The following DARS2 variants were observed in gnomAD, a reference collection of about 807,000 sequenced individuals.
DARS2 encodes the protein aspartyl-tRNA synthetase 2, mitochondrial, also known as aspartate--tRNA ligase, mitochondrial.
In DARS2, 63 loss-of-function variants were observed where a neutral mutation model predicts 83.0. The observed-to-expected ratio is 0.76, with a 90% CI of 0.62 to 0.94. The LOEUF (loss-of-function observed/expected upper bound fraction) is 0.94, where lower values mean the gene tolerates loss of function less well. Ranked by LOEUF, DARS2 falls within the 40% of genes least tolerant of loss-of-function variation. The pLI is 0.00. For missense variants in DARS2, 675 were observed against 774.4 expected, an observed-to-expected ratio of 0.87 and a Z score of 1.52; for synonymous variants, 250 against 269.3, an observed-to-expected ratio of 0.93 and a Z score of 0.70.
intron 9 of DARS2, among the ~76,000 whole-genome samples, chr1:173,839,027 G>C (rs1258573063): frequency 6.6e-6 from 1 of 152,132 alleles, no homozygotes; most frequent in African/African-American, 2.4e-5. Flanking sequence ...GAGCCACCAC[G>C]CCTGGCCAAT....
At position 173,833,384 on chromosome 1, in the gene DARS2, G is replaced by A. The variant is rs772824234; in HGVS notation, c.501G>A (p.Glu167=). ...FEIKNFVKKT[E]ALRLQYRYLD... is the part of the protein sequence containing the mutation. ...TCTTTCAATTTCTTTAGAAAACAGA[G>A]GCTCTTCGGTTGCAGTATCGCTACT... Residue 167 remains glutamate (E), a synonymous_variant, in exon 6 of 17, where the codon GAG becomes GAA. Transcript: ENST00000649689. The A allele has an allele frequency of 2.5e-6, 4 of 1,603,030 alleles. No individual in the cohort carries two copies. Among genetic ancestry groups the A allele is most frequent in the Non-Finnish European group, 3.4e-6 (4 of 1,174,660 alleles).
intron 1 of DARS2, among the ~76,000 whole-genome samples, chr1:173,826,426 A>T (rs893809363): frequency 3.3e-5 from 5 of 152,182 alleles, no homozygotes; most frequent in African/African-American, 1.2e-4. Context: ...TGCAAATGCT[A>T]GAAGATCAAA....
chr1:173,833,791 G>A (rs573878766), intron 6 of DARS2, among the ~76,000 whole-genome samples: 11 of 149,924 alleles, frequency 7.3e-5, no homozygotes, highest in South Asian at 2.1e-4. Context: ...TTTTTGAGAC[G>A]GAGTTTTGCT....
intron 15 of DARS2, 98 bp downstream of exon 15, chr1:173,854,003 A>G (rs1653774265): frequency 1.9e-6 from 2 of 1,075,102 alleles, no homozygotes; most frequent in South Asian, 2.6e-5. Flanking sequence ...TTTGTTTTTG[A>G]GACATTCTGT....
At position 173,824,871 on chromosome 1, in the gene DARS2, A is replaced by T; in HGVS notation, c.-359A>T. On this transcript the variant is annotated 5_prime_UTR_variant, in exon 1 of 17. Transcript: ENST00000649689. ...AAGCGTGGAAAGAGGAGAAGGGCGT[A>T]TACCTTGTGACCGCCTCTGGTTGTC... The T allele has an allele frequency of 2.9e-6, 1 of 339,048 alleles. No individual in the cohort carries two copies. Among genetic ancestry groups the T allele is most frequent in the Non-Finnish European group, 5.8e-6 (1 of 172,352 alleles). The allele number at this position is 339,048 out of a possible 1,614,324, so 21.0% of individuals were successfully genotyped here.
chr1:173,842,579 A>C (rs368194654), intron 11 of DARS2, among the ~76,000 whole-genome samples: 2 of 150,194 alleles, frequency 1.3e-5, no homozygotes, highest in African/African-American at 4.9e-5. Flanking sequence ...CTGGGATTAC[A>C]GGCGTAAGCC....
chr1:173,828,613 A>T (rs1269564250), intron 3 of DARS2, among the ~76,000 whole-genome samples: 1 of 152,210 alleles, frequency 6.6e-6, no homozygotes. Context: ...TAGAGGAAAA[A>T]AATATATAAA....
chr1:173,850,683 G>T (rs1167039611), intron 13 of DARS2, among the ~76,000 whole-genome samples: 1 of 150,052 alleles, frequency 6.7e-6, no homozygotes, highest in Non-Finnish European at 1.5e-5. Flanking sequence ...TTGGCTCACT[G>T]CAACCTCCGC....
At chr1:173,839,673 TG>T in intron 10 of DARS2, 127 bp downstream of exon 10, 1 of 850,888 alleles carries the variant, frequency 1.2e-6, no homozygotes, top group Non-Finnish European at 1.9e-6. Context: ...TTACCTTCGT[TG>T]TTACAGAGCT....
In DARS2 at chr1:173,830,647, C is replaced by T. The variant is rs765003848; in HGVS notation, c.295-13C>T. ...ATTTGTTTCTCAGAACTCTTTTCCC[C>T]CTTGTTCTGTAGTCGGCAGCCTCTG... On this transcript the variant is annotated splice_polypyrimidine_tract_variant and intron_variant, in intron 3 of 16. Coordinates refer to ENST00000649689, the MANE Select transcript of DARS2 (RefSeq NM_018122.5). The T allele has an allele frequency of 6.2e-7, 1 of 1,603,982 alleles. No homozygotes were observed. Among genetic ancestry groups the T allele is most frequent in the South Asian group, 1.1e-5 (1 of 90,894 alleles).
intron 12 of DARS2, among the ~76,000 whole-genome samples, chr1:173,846,326 G>C (rs1364917702): frequency 6.6e-6 from 1 of 151,964 alleles, no homozygotes. Flanking sequence ...GCAAGACTCA[G>C]TCTCTAAATA....
chr1:173,837,898 C>A (rs919012019), intron 8 of DARS2, among the ~76,000 whole-genome samples: 1 of 151,966 alleles, frequency 6.6e-6, no homozygotes, highest in Admixed American at 6.6e-5. Flanking sequence ...CCTTGCCTCC[C>A]GAGTAGCTGG....
intron 11 of DARS2, among the ~76,000 whole-genome samples, chr1:173,841,619 C>G (rs1571988311): frequency 6.6e-6 from 1 of 151,684 alleles, no homozygotes; most frequent in East Asian, 1.9e-4. Context: ...TCGAGACCAG[C>G]CTGGGGAACA....
At chr1:173,856,838 C>A in intron 16 of DARS2, 97 bp downstream of exon 16, 1 of 872,940 alleles carries the variant, frequency 1.1e-6, no homozygotes, top group Non-Finnish European at 1.8e-6. Context: ...AAGGATGAGT[C>A]CAAGAGTTCC....
rs901473814 is a variant in DARS2, at chr1:173,837,027, A to T, written c.751A>T (p.Met251Leu). 1 of 1,613,894 alleles carries T rather than the reference A, an allele frequency of 6.2e-7. No homozygotes were observed. Among genetic ancestry groups the T allele is most frequent in the Non-Finnish European group, 8.5e-7 (1 of 1,179,894 alleles). Residue 251 changes from methionine (M) to leucine (L), a missense_variant, in exon 8 of 17, where the codon ATG (methionine) becomes TTG (leucine). Transcript: ENST00000649689. ...QSPQQFKQLL[M>L]VGGLDRYFQV... ...TCCTCAACAGTTTAAGCAACTTCTG[A>T]TGGTTGGCGGTTTAGACAGGTGAGC...
chr1:173,856,623 A>G (rs1407775357), intron 15 of DARS2, 43 bp from the exon 16 acceptor site: 1 of 1,578,270 alleles, frequency 6.3e-7, no homozygotes, highest in Non-Finnish European at 8.7e-7. Flanking sequence ...CACTTAGTGG[A>G]CCTTCAAAAT....
chr1:173,852,347 C>A, intron 13 of DARS2: 2 of 661,266 alleles, frequency 3.0e-6, no homozygotes, highest in Non-Finnish European at 3.7e-6. Context: ...TCATGCCAAC[C>A]CTATGAAAGA....
intron 10 of DARS2, 151 bp downstream of exon 10, chr1:173,839,697 AAT>A: frequency 1.4e-6 from 1 of 701,266 alleles, no homozygotes; most frequent in East Asian, 2.7e-5. Context: ...AGCAAGAGAG[AAT>A]AATAGCATGT....
In DARS2 at chr1:173,837,272, T is replaced by TA. The variant is rs372381381; in HGVS notation, c.770+242dup. Among the ~76,000 whole-genome samples the TA allele has an allele frequency of 0.097, 13,196 of 135,498 alleles. 1,844 individuals carry two copies. Among genetic ancestry groups the TA allele is most frequent in the African/African-American group, 0.32 (11,903 of 37,684 alleles). 88.9% of individuals were successfully genotyped at this position (135,498 alleles called of 152,430 possible). Reference sequence around the variant, plus strand: ...ATGGTAGTAGATGTGAGAGGGGATTTAAAAAAAAAAAAAAAAGAATAGGTT... The same window carrying TA: ...ATGGTAGTAGATGTGAGAGGGGATTTAAAAAAAAAAAAAAAAAGAATAGGTT... On this transcript the variant is annotated intron_variant, in intron 8 of 16. Coordinates refer to ENST00000649689, the MANE Select transcript of DARS2 (RefSeq NM_018122.5).
Sources: allele counts gnomAD v4.1 joint callset (sites outside exome capture counted in the v4.1 genomes callset), GRCh38; gene constraint gnomAD v4.1.1; transcripts MANE v1.5; gene names NCBI Gene and HGNC (gene_info 2026-07-23, HGNC 2026-07-21).